The following CPE variants were observed in gnomAD, a reference collection of about 807,000 sequenced individuals.
CPE encodes the protein carboxypeptidase E, also known as carbocypeptidase E.
A neutral mutation model predicts 53.5 loss-of-function variants in CPE; 17 were observed. The ratio of observed to expected loss-of-function variants is 0.32; its 90% CI spans 0.22 to 0.48. The LOEUF (loss-of-function observed/expected upper bound fraction) is 0.48, where lower values mean the gene tolerates loss of function less well. Ranked by LOEUF, CPE falls within the 20% of genes least tolerant of loss-of-function variation. CPE has a pLI of 0.99. For missense variants in CPE, 524 were observed against 614.7 expected (o/e 0.85, Z 1.56); for synonymous variants, 226 against 228.8 (o/e 0.99, Z 0.11).
chr4:165,384,243 G>C (rs943706404), intron 1 of CPE, among the ~76,000 whole-genome samples: 4 of 152,118 alleles, frequency 2.6e-5, no homozygotes, highest in African/African-American at 9.7e-5. Context: ...AGATAAACAG[G>C]TTTGTATATT....
Position 165,462,843 on chromosome 4 carries a change from C to A in CPE, c.308-1547C>A, listed in dbSNP as rs17502687. On this transcript the variant is annotated intron_variant, in intron 1 of 8. Coordinates refer to ENST00000402744, the MANE Select transcript of CPE (RefSeq NM_001873.4). ...GCATAAGCTCAGGCTGAGAGGTCAC[C>A]ACAAGGTCATAGTTTTCTGGGGTGA... Among the ~76,000 whole-genome samples, 1,144 of 152,214 alleles carry A rather than the reference C, an allele frequency of 7.5e-3. 11 individuals are homozygous for A. Among genetic ancestry groups the A allele is most frequent in the Middle Eastern group, 0.014 (4 of 294 alleles).
chr4:165,482,602 C>G (rs1480089896), intron 4 of CPE, among the ~76,000 whole-genome samples: 1 of 152,142 alleles, frequency 6.6e-6, no homozygotes, highest in Non-Finnish European at 1.5e-5. Flanking sequence ...TTGACAGTAC[C>G]TAGCCAACAG....
chr4:165,455,659 T>G (rs1393184856), intron 1 of CPE, among the ~76,000 whole-genome samples: 1 of 151,958 alleles, frequency 6.6e-6, no homozygotes, highest in African/African-American at 2.4e-5. Flanking sequence ...AAAGGTATTT[T>G]TTTTTTTTTT....
chr4:165,424,930 A>G (rs903028310), intron 1 of CPE, among the ~76,000 whole-genome samples: 1 of 149,762 alleles, frequency 6.7e-6, no homozygotes, highest in Non-Finnish European at 1.5e-5. Flanking sequence ...GCTAGCATGC[A>G]GTGATGCGAT....
At chr4:165,449,365 A>C (rs10222710) in intron 1 of CPE, among the ~76,000 whole-genome samples, 37,295 of 152,092 alleles carry the variant, frequency 0.25, 5,014 homozygotes, top group African/African-American at 0.36. Flanking sequence ...GTTGAATTAT[A>C]ATTTGCTTTC....
At position 165,434,597 on chromosome 4, in the gene CPE, C is replaced by T. The variant is rs187941803; in HGVS notation, c.308-29793C>T. Among the ~76,000 whole-genome samples the T allele has an allele frequency of 7.9e-5, 12 of 152,112 alleles. No individual in the cohort carries two copies. In the East Asian group the frequency reaches 1.5e-3, roughly 20 times the overall value. ...TCAGCACCTAAAGAACTCGGTGGAA[C>T]GATGAGCACTAATATGGCACCTGGC... On this transcript the variant is annotated intron_variant, in intron 1 of 8. Transcript: ENST00000402744.
At chr4:165,424,311 C>T (rs995953071) in intron 1 of CPE, among the ~76,000 whole-genome samples, 4 of 150,886 alleles carry the variant, frequency 2.7e-5, no homozygotes, top group African/African-American at 9.8e-5. Flanking sequence ...TAAGTCTTTC[C>T]GTGTCATTTT....
Position 165,467,830 on chromosome 4 carries a change from A to G in CPE, c.647A>G (p.Lys216Arg). ...AATAATCATCTGTTGAAAAATATGA[A>G]GAAAATTGTGGATCAAAACACAAAG... The part of the protein sequence containing the change: ...GPNNHLLKNM[K>R]KIVDQNTKLA... Residue 216 changes from lysine (K) to arginine (R), a missense_variant, in exon 3 of 9, where the codon AAG becomes AGG. Coordinates refer to ENST00000402744, the MANE Select transcript of CPE (RefSeq NM_001873.4). 1 of 1,613,766 alleles carries G rather than the reference A, an allele frequency of 6.2e-7. No homozygotes were observed. Among genetic ancestry groups the G allele is most frequent in the South Asian group, 1.1e-5 (1 of 91,060 alleles).
intron 3 of CPE, among the ~76,000 whole-genome samples, chr4:165,477,006 G>A (rs1472768248): frequency 6.6e-6 from 1 of 152,220 alleles, no homozygotes. Flanking sequence ...TAGCCTACAA[G>A]CTTTCCCCAT....
chr4:165,452,311 G>T (rs920603887), intron 1 of CPE, among the ~76,000 whole-genome samples: 3 of 152,132 alleles, frequency 2.0e-5, no homozygotes, highest in Admixed American at 2.0e-4. Context: ...CCAGCACAAA[G>T]AAAAGATAAA....
intron 1 of CPE, among the ~76,000 whole-genome samples, chr4:165,439,131 T>C (rs1318654461): frequency 2.0e-5 from 3 of 152,196 alleles, no homozygotes; most frequent in South Asian, 2.1e-4. Context: ...GCCTTGTTCA[T>C]TGAAGATGCT....
chr4:165,429,796 A>C (rs546594880), intron 1 of CPE, among the ~76,000 whole-genome samples: 1 of 152,340 alleles, frequency 6.6e-6, no homozygotes, highest in South Asian at 2.1e-4. Context: ...AAAAACAATA[A>C]TAAGCAACCA....
At chr4:165,419,773 A>G (rs2033767) in intron 1 of CPE, among the ~76,000 whole-genome samples, 44,942 of 152,016 alleles carry the variant, frequency 0.3, 6,731 homozygotes, top group Middle Eastern at 0.39. Context: ...AAGCTCCAGA[A>G]GAGATTCTGA....
rs138047107 is a variant in CPE at position 165,458,371 on chromosome 4, G to A, written c.308-6019G>A. Among the ~76,000 whole-genome samples the A allele has an allele frequency of 6.2e-4, 94 of 152,288 alleles. 1 individual carries two copies. In the East Asian group the frequency reaches 0.015, roughly 25 times the overall value. ...AGTTTATTACATGTACCAGGAACAC[G>A]TGTTTTGAAATTGTCACCAGCTCCA... On this transcript the variant is annotated intron_variant, in intron 1 of 8. Transcript: ENST00000402744.
chr4:165,486,857 G>A (rs1732513478), intron 5 of CPE, among the ~76,000 whole-genome samples: 3 of 152,046 alleles, frequency 2.0e-5, no homozygotes, highest in African/African-American at 7.2e-5. Flanking sequence ...AATCATCTTC[G>A]GAGAGAGGCA....
At chr4:165,466,826 A>T (rs533354163) in intron 2 of CPE, among the ~76,000 whole-genome samples, 4 of 152,258 alleles carry the variant, frequency 2.6e-5, no homozygotes, top group Non-Finnish European at 4.4e-5. Flanking sequence ...ACCTTACTGT[A>T]ACTTTTTTAC....
At chr4:165,445,097 C>T (rs1731683100) in intron 1 of CPE, among the ~76,000 whole-genome samples, 1 of 152,086 alleles carries the variant, frequency 6.6e-6, no homozygotes, top group African/African-American at 2.4e-5. Context: ...GCTAGGATTA[C>T]AGGCATGCAC....
chr4:165,402,055 C>A (rs548616626), intron 1 of CPE, among the ~76,000 whole-genome samples: 21 of 152,098 alleles, frequency 1.4e-4, no homozygotes, highest in African/African-American at 4.6e-4. Context: ...TATATCAGTT[C>A]TTTCTTCAGA....
chr4:165,404,601 TG>T, intron 1 of CPE: 1 of 1,108,122 alleles, frequency 9.0e-7, no homozygotes, highest in Non-Finnish European at 1.4e-6. Context: ...TCCACCAGTG[TG>T]GCGGCACCCA....
Sources: allele counts gnomAD v4.1 joint callset (sites outside exome capture counted in the v4.1 genomes callset), GRCh38; gene constraint gnomAD v4.1.1; transcripts MANE v1.5; gene names NCBI Gene and HGNC (gene_info 2026-07-23, HGNC 2026-07-21).